Variants in NFIB observed in about 807,000 individuals in gnomAD.
The protein encoded by NFIB is nuclear factor I B.
NFIB carries 11 observed loss-of-function variants against 61.5 expected under a neutral mutation model. The ratio of observed to expected loss-of-function variants is 0.18; its 90% CI spans 0.11 to 0.30. NFIB has a LOEUF of 0.30. Ranked by LOEUF, NFIB falls within the 10% of genes least tolerant of loss-of-function variation. The probability of loss-of-function intolerance (pLI) is 1.00; values close to 1 mark genes in which losing one functional copy is unlikely to be tolerated. For synonymous variants in NFIB, 260 were observed against 216.5 expected (o/e 1.20, Z -1.76); for missense variants, 471 against 608.9 (o/e 0.77, Z 2.38).
At chr9:14,495,306 A>C in the NFIB span, among the ~76,000 whole-genome samples, 1 of 152,182 alleles carries the variant, frequency 6.6e-6, no homozygotes. Flanking sequence ...GAGCAGGCTG[A>C]GGTCGAGGTA....
intron 2 of NFIB, among the ~76,000 whole-genome samples, chr9:14,279,959 G>A (rs139872669): frequency 1.4e-3 from 217 of 152,224 alleles, no homozygotes; most frequent in African/African-American, 5.1e-3. Flanking sequence ...CACAACCAGC[G>A]GGATTGCTCT....
At chr9:14,252,303 A>C (rs916395458) in intron 2 of NFIB, among the ~76,000 whole-genome samples, 2 of 152,198 alleles carry the variant, frequency 1.3e-5, no homozygotes, top group Admixed American at 6.5e-5. Flanking sequence ...ATTCCTCATT[A>C]CTTCTATGGC....
intron 2 of NFIB, among the ~76,000 whole-genome samples, chr9:14,245,130 C>T (rs185820226): frequency 3.4e-4 from 52 of 152,296 alleles, no homozygotes; most frequent in Non-Finnish European, 6.3e-4. Flanking sequence ...GACATCAACA[C>T]TTGGGTCATG....
At chr9:14,510,759 A>C in the NFIB span, among the ~76,000 whole-genome samples, 131 of 152,346 alleles carry the variant, frequency 8.6e-4, 1 homozygote, top group East Asian at 0.02. Flanking sequence ...TCTTTATCTC[A>C]TAATTGAGAA....
chr9:14,168,740 A>G (rs1464329113), intron 3 of NFIB, among the ~76,000 whole-genome samples: 1 of 152,222 alleles, frequency 6.6e-6, no homozygotes, highest in East Asian at 1.9e-4. Flanking sequence ...GAGCTAGTTA[A>G]AGAGGCAAAG....
chr9:14,383,599 CT>C (rs2061513628), intron 1 of NFIB, among the ~76,000 whole-genome samples: 1 of 152,136 alleles, frequency 6.6e-6, no homozygotes, highest in Non-Finnish European at 1.5e-5. Flanking sequence ...TTATGTGATT[CT>C]TTTTCAAGTT....
At chr9:14,331,465 A>G (rs1019934706) in intron 1 of NFIB, among the ~76,000 whole-genome samples, 17 of 152,200 alleles carry the variant, frequency 1.1e-4, no homozygotes, top group African/African-American at 1.7e-4. Context: ...AATATTATCA[A>G]TAGGGTAGAT....
chr9:14,378,066 G>A (rs2061440540), intron 1 of NFIB, among the ~76,000 whole-genome samples: 1 of 152,156 alleles, frequency 6.6e-6, no homozygotes, highest in South Asian at 2.1e-4. Context: ...CACACCAGCT[G>A]AGGGTGGGGG....
At chr9:14,145,128 GA>G (rs773811575) in intron 6 of NFIB, among the ~76,000 whole-genome samples, 13 of 133,802 alleles carry the variant, frequency 9.7e-5, no homozygotes, top group Admixed American at 3.8e-4. Context: ...AATTCCGTCT[GA>G]GGGGGGGGTC....
chr9:14,455,057 C>G, the NFIB span, among the ~76,000 whole-genome samples: 1 of 152,292 alleles, frequency 6.6e-6, no homozygotes, highest in Middle Eastern at 3.4e-3. Flanking sequence ...TTATTTGTTA[C>G]TGCTGCTTAA....
At chr9:14,478,175 T>C in the NFIB span, among the ~76,000 whole-genome samples, 1 of 152,334 alleles carries the variant, frequency 6.6e-6, no homozygotes, top group Admixed American at 6.5e-5. Context: ...TTAGTGACTT[T>C]AGTGACGATT....
chr9:14,181,090 G>A (rs1408087598), intron 2 of NFIB, among the ~76,000 whole-genome samples: 2 of 152,110 alleles, frequency 1.3e-5, no homozygotes, highest in African/African-American at 4.8e-5. Flanking sequence ...TTAACATACT[G>A]AAATTGCTGC....
chr9:14,174,414 T>A (rs993628556), intron 3 of NFIB, among the ~76,000 whole-genome samples: 6 of 152,290 alleles, frequency 3.9e-5, no homozygotes, highest in African/African-American at 1.4e-4. Flanking sequence ...ATTAAAAACA[T>A]CTTGATCCTA....
At chr9:14,191,225 G>T (rs546916736) in intron 2 of NFIB, among the ~76,000 whole-genome samples, 1 of 152,074 alleles carries the variant, frequency 6.6e-6, no homozygotes, top group Non-Finnish European at 1.5e-5. Flanking sequence ...CTACTCGAGA[G>T]GCTAAGGTGG....
intron 1 of NFIB, among the ~76,000 whole-genome samples, chr9:14,372,846 A>C (rs115106016): frequency 1.3e-5 from 2 of 152,218 alleles, no homozygotes; most frequent in African/African-American, 4.8e-5. Context: ...TCAAGTGTTG[A>C]ATCACTCAGA....
chr9:14,106,117 G>T (rs1354093967), intron 10 of NFIB, among the ~76,000 whole-genome samples: 1 of 151,972 alleles, frequency 6.6e-6, no homozygotes, highest in African/African-American at 2.4e-5. Flanking sequence ...ATAGGAAATT[G>T]CTTTTTTCTC....
chr9:14,321,902 A>G, intron 1 of NFIB: 13 of 1,231,752 alleles, frequency 1.1e-5, no homozygotes, highest in South Asian at 4.1e-5. Context: ...AGAACGAATA[A>G]AAGAAGCAAA....
At chr9:14,261,357 A>C (rs1333670778) in intron 2 of NFIB, among the ~76,000 whole-genome samples, 1 of 152,200 alleles carries the variant, frequency 6.6e-6, no homozygotes, top group Admixed American at 6.5e-5. Context: ...GAAAAGGAAG[A>C]AAGAAGAAAC....
chr9:14,488,488 G>C, the NFIB span, among the ~76,000 whole-genome samples: 1 of 152,140 alleles, frequency 6.6e-6, no homozygotes, highest in African/African-American at 2.4e-5. Context: ...AAAATAGTAT[G>C]CTGGGTTATT....
Sources: allele counts gnomAD v4.1 joint callset (sites outside exome capture counted in the v4.1 genomes callset), GRCh38; gene constraint gnomAD v4.1.1; transcripts MANE v1.5; gene names NCBI Gene and HGNC (gene_info 2026-07-23, HGNC 2026-07-21).